PKD2L2: variants seen among roughly 807,000 people sequenced by gnomAD.
PKD2L2 encodes polycystin 2 like 2, transient receptor potential cation channel, also known as polycystin-2-like protein 2.
PKD2L2 carries 67 observed loss-of-function variants against 83.9 expected under a neutral mutation model. The observed-to-expected ratio is 0.80, with a 90% confidence interval of 0.66 to 0.98. The LOEUF is 0.98. PKD2L2 is among the 50% of genes least tolerant of loss of function. The pLI is 0.00. For missense variants in PKD2L2, 632 were observed against 717.2 expected (o/e 0.88, Z 1.36); for synonymous variants, 223 against 237.8 (o/e 0.94, Z 0.57).
Position 137,906,403 on chromosome 5 carries a change from T to C in PKD2L2, c.944T>C (p.Ile315Thr). The change falls in exon 6 of 15, where the codon ATT becomes ACT. Residue 315 changes from isoleucine (I) to threonine (T), a missense_variant. Physicochemically the swap from Ile to Thr is moderately conservative, Grantham distance 89. Transcript: ENST00000508883. ...TTTAAGTCTGCCTATTTCAAAAGTA[T>C]TTGGAACTGGCTAGAATTGCTACTT... ...KEFKSAYFKS[I>T]WNWLELLLLL... 1 of 1,607,652 alleles carries C rather than the reference T, an allele frequency of 6.2e-7. No individual in the cohort carries two copies. Among genetic ancestry groups the C allele is most frequent in the Non-Finnish European group, 8.5e-7 (1 of 1,175,120 alleles).
At chr5:137,927,471 T>C (rs1239783311) in intron 12 of PKD2L2, among the ~76,000 whole-genome samples, 1 of 152,164 alleles carries the variant, frequency 6.6e-6, no homozygotes, top group Non-Finnish European at 1.5e-5. Flanking sequence ...GTCAAGTAAA[T>C]ACAATACATA....
rs573787516 is a variant in PKD2L2 at position 137,899,782 on chromosome 5, T to C, written c.746+45T>C. 4.7e-6 allele frequency: 5 copies of C among 1,069,722 alleles called. No individual in the cohort carries two copies. The East Asian group carries it at 9.8e-5, about 21-fold the overall frequency. 66.3% of individuals were successfully genotyped at this position (1,069,722 alleles called of 1,614,324 possible). A position where few individuals can be genotyped will look rare whatever the true frequency, so the allele number is the denominator to read the frequency against. On this transcript the variant is annotated intron_variant, in intron 5 of 14. Coordinates refer to ENST00000508883, the MANE Select transcript of PKD2L2 (RefSeq NM_001300921.2). ...TTTTCATAGACAGTGGTCAATGGCC[T>C]ACAAAACTTCTTTATTAGTACAGTT...
chr5:137,936,281 A>G, intron 13 of PKD2L2, 39 bp from the exon 14 acceptor site: 1 of 1,503,294 alleles, frequency 6.7e-7, no homozygotes, highest in Non-Finnish European at 8.9e-7. Flanking sequence ...ATGAAAGTTT[A>G]TTACTGACTC....
In PKD2L2 at chr5:137,921,633, A is replaced by C. The variant is rs1561698283; in HGVS notation, c.1329-3A>C. The C allele has an allele frequency of 7.0e-6, 11 of 1,572,500 alleles. No individual in the cohort carries two copies. Among genetic ancestry groups the C allele is most frequent in the Non-Finnish European group, 9.6e-6 (11 of 1,151,732 alleles). ...TATTTTCTACTGTTTTTCTTTCTTA[A>C]AGATTTGCACAATTTCGAATTGTTC... On this transcript the variant is annotated splice_region_variant and splice_polypyrimidine_tract_variant and intron_variant, in intron 8 of 14. Coordinates refer to ENST00000508883, the MANE Select transcript of PKD2L2 (RefSeq NM_001300921.2).
At chr5:137,909,588 A>C (rs1466205474) in intron 8 of PKD2L2, among the ~76,000 whole-genome samples, 6 of 134,572 alleles carry the variant, frequency 4.5e-5, no homozygotes, top group African/African-American at 1.7e-4. Flanking sequence ...TCTGTCACCC[A>C]GGCTGGACTA....
chr5:137,911,687 T>A (rs1757851007), intron 8 of PKD2L2, among the ~76,000 whole-genome samples: 1 of 152,206 alleles, frequency 6.6e-6, no homozygotes, highest in African/African-American at 2.4e-5. Context: ...AAGATCTACT[T>A]CCTTAGCAAT....
In PKD2L2 at chr5:137,923,327, TTAAATA is replaced by T. The variant is rs1759095085; in HGVS notation, c.1450-89_1450-84del. 2.9e-5 allele frequency: 20 copies of T among 681,006 alleles called. No homozygotes were observed. The Admixed American group carries it at 3.5e-4, about 12-fold the overall frequency. The allele number at this position is 681,006 out of a possible 1,614,324, so 42.2% of individuals were successfully genotyped here. A position where few individuals can be genotyped will look rare whatever the true frequency, so the allele number is the denominator to read the frequency against. On this transcript the variant is annotated intron_variant, in intron 9 of 14. Coordinates refer to ENST00000508883, the MANE Select transcript of PKD2L2 (RefSeq NM_001300921.2). ...ACCGCACCTGGCCTACTTTTAAAATTTAAATATAATTTTACAAACCCAAAACTTGTT... is the reference window on the plus strand; with the variant it reads ...ACCGCACCTGGCCTACTTTTAAAATTTAATTTTACAAACCCAAAACTTGTT...
chr5:137,940,711 G>GTGAATTGGTTAA (rs1196105470), intron 14 of PKD2L2, among the ~76,000 whole-genome samples: 4 of 152,172 alleles, frequency 2.6e-5, no homozygotes, highest in African/African-American at 9.7e-5. Context: ...GTTAACTGCG[G>GTGAATTGGTTAA]CTCCAGTGAA....
At chr5:137,889,652 C>T (rs1447285686) in intron 1 of PKD2L2, 130 bp downstream of exon 1, 3 of 723,930 alleles carry the variant, frequency 4.1e-6, no homozygotes, top group Non-Finnish European at 6.3e-6. Flanking sequence ...CTCACAGCCT[C>T]CCCTGGGGAA....
chr5:137,899,520 A>C lies in PKD2L2; in HGVS notation c.529A>C (p.Arg177=). 2 of 1,563,496 alleles carry C rather than the reference A, an allele frequency of 1.3e-6. No individual in the cohort carries two copies. The highest frequency in any genetic ancestry group is 1.8e-6 in the Non-Finnish European group (2 of 1,134,550). ...TATTCTTTTTATGTGTAACAGATGG[A>C]GATATTCTACTTCTAATACCAACTC... ...NFGLQINTEW[R]YSTSNTNSPW... The change falls in exon 5 of 15, where the codon AGA becomes CGA. Residue 177 remains arginine, a synonymous_variant. Coordinates refer to ENST00000508883, the MANE Select transcript of PKD2L2 (RefSeq NM_001300921.2).
At chr5:137,904,635 A>G (rs1358300509) in intron 5 of PKD2L2, among the ~76,000 whole-genome samples, 1 of 152,154 alleles carries the variant, frequency 6.6e-6, no homozygotes, top group African/African-American at 2.4e-5. Context: ...GTGGGAAGGA[A>G]GAGGTTCAGA....
chr5:137,924,352 C>T (rs577773857), intron 10 of PKD2L2, among the ~76,000 whole-genome samples: 18 of 152,346 alleles, frequency 1.2e-4, no homozygotes, highest in Middle Eastern at 3.4e-3. Context: ...TTTTGTGACG[C>T]TTATTCTCTC....
intron 12 of PKD2L2, among the ~76,000 whole-genome samples, chr5:137,928,257 G>A (rs1419018491): frequency 2.0e-5 from 3 of 150,642 alleles, no homozygotes; most frequent in Admixed American, 2.0e-4. Context: ...CCAACCAAGA[G>A]ATGACTGGAG....
chr5:137,932,556 G>C (rs1052511736), intron 12 of PKD2L2, among the ~76,000 whole-genome samples: 26 of 152,110 alleles, frequency 1.7e-4, no homozygotes, highest in Non-Finnish European at 2.9e-4. Flanking sequence ...TGCAGGAAGA[G>C]GTTACCACTC....
chr5:137,892,171 T>A (rs978234228), intron 2 of PKD2L2, among the ~76,000 whole-genome samples: 6 of 152,214 alleles, frequency 3.9e-5, no homozygotes, highest in Non-Finnish European at 8.8e-5. Flanking sequence ...TATATTGCCT[T>A]ACTCTCATGT....
chr5:137,898,276 G>C (rs4580770), intron 4 of PKD2L2, among the ~76,000 whole-genome samples: 2 of 152,008 alleles, frequency 1.3e-5, no homozygotes, highest in Non-Finnish European at 2.9e-5. Context: ...CCAAAATTTA[G>C]TTATACACAG....
intron 14 of PKD2L2, chr5:137,942,033 C>T (rs746605721): frequency 1.9e-6 from 3 of 1,613,552 alleles, no homozygotes; most frequent in Non-Finnish European, 2.5e-6. Flanking sequence ...AAAGTTGTTC[C>T]AATAATTCAG....
intron 12 of PKD2L2, among the ~76,000 whole-genome samples, chr5:137,934,826 T>C (rs897208799): frequency 6.6e-6 from 1 of 151,538 alleles, no homozygotes; most frequent in African/African-American, 2.4e-5. Flanking sequence ...GAGGCTGCAG[T>C]GAGCCGAGAT....
intron 3 of PKD2L2, among the ~76,000 whole-genome samples, chr5:137,893,573 A>G (rs879157941): frequency 6.6e-6 from 1 of 152,216 alleles, no homozygotes; most frequent in East Asian, 1.9e-4. Flanking sequence ...TTTAGGAAGA[A>G]GGAACAATAT....
Sources: allele counts gnomAD v4.1 joint callset (sites outside exome capture counted in the v4.1 genomes callset), GRCh38; gene constraint gnomAD v4.1.1; transcripts MANE v1.5; gene names NCBI Gene and HGNC (gene_info 2026-07-23, HGNC 2026-07-21).